The following TRO variants were observed in gnomAD, a reference collection of about 807,000 sequenced individuals.
TRO encodes the protein trophinin, also known as MAGE superfamily protein.
In TRO, 29 loss-of-function variants were observed where a neutral mutation model predicts 42.3. That is an observed-to-expected ratio of 0.68 (90% CI 0.51 to 0.93). The LOEUF (loss-of-function observed/expected upper bound fraction) is 0.93. Ranked by LOEUF, TRO falls within the 40% of genes least tolerant of loss-of-function variation. The pLI is 0.00. For synonymous variants in TRO, 384 were observed against 425.2 expected, an observed-to-expected ratio of 0.90 and a Z score of 1.19; for missense variants, 963 against 1,127.7, an observed-to-expected ratio of 0.85 and a Z score of 2.09.
At position 54,924,972 on chromosome X, in the gene TRO, C is replaced by T. The variant is rs1932571151; in HGVS notation, c.1406-17C>T. ...CCCCTGCTAAGCTCAGCTACTCTCA[C>T]CTCTCCTTTTCTACAGACATGCTGA... On this transcript the variant is annotated splice_polypyrimidine_tract_variant and intron_variant, in intron 5 of 12. Transcript: ENST00000173898. The T allele has an allele frequency of 1.7e-6, 2 of 1,204,195 alleles. No individual in the cohort carries two copies. Among genetic ancestry groups the T allele is most frequent in the African/African-American group, 1.7e-5 (1 of 57,289 alleles).
At chrX:54,931,068 A>T in intron 12 of TRO, 37 bp downstream of exon 12, 1 of 1,170,175 alleles carries the variant, frequency 8.5e-7, no homozygotes. Context: ...ACCCACAGGG[A>T]TGGGTACAAG....
chrX:54,925,204 C>G, intron 6 of TRO, 136 bp downstream of exon 6: 1 of 605,350 alleles, frequency 1.7e-6, no homozygotes. Context: ...AGACAGTGGC[C>G]TAGGGAGAGG....
At chrX:54,921,967 C>T (rs1222956463) in intron 1 of TRO, 9 of 276,342 alleles carry the variant, frequency 3.3e-5, no homozygotes, top group Non-Finnish European at 4.9e-5. Context: ...CGCCTCTAGT[C>T]GGTGCGCATG....
Position 54,926,465 on chromosome X carries a change from A to G in TRO, c.1633A>G (p.Met545Val), listed in dbSNP as rs760847831. The G allele has an allele frequency of 8.3e-7, 1 of 1,210,569 alleles. No individual in the cohort carries two copies. Among genetic ancestry groups the G allele is most frequent in the African/African-American group, 1.7e-5 (1 of 57,363 alleles). ...CATGGTGATTCTGAGTGTCATTTTT[A>G]TGAATGGCAACAAGGCCAGTGAGGG... ...LLMVILSVIFMNGNKASEAVI... is the reference protein window; with the variant it reads ...LLMVILSVIFVNGNKASEAVI... The change falls in exon 8 of 13, where the codon ATG becomes GTG. Residue 545 changes from methionine to valine, a missense_variant. By Grantham distance (21) the Met-to-Val change is conservative. This residue lies in a region of TRO where 641 missense variants were observed against 811.3 expected (regional missense o/e 0.79). Transcript: ENST00000173898.
In TRO at chrX:54,924,662, C is replaced by A. The variant is rs748055435; in HGVS notation, c.1342-8C>A. 1 of 1,211,174 alleles carries A rather than the reference C, an allele frequency of 8.3e-7. No homozygotes were observed. The highest frequency in any genetic ancestry group is 1.1e-6 in the Non-Finnish European group (1 of 894,841). On this transcript the variant is annotated splice_region_variant and splice_polypyrimidine_tract_variant and intron_variant, in intron 4 of 12. Coordinates refer to ENST00000173898, the MANE Select transcript of TRO (RefSeq NM_001039705.3). ...TTAAGATCTCTCCATCTATTCCTCT[C>A]CTCCCAGGCTAATAAGTTGGTGAAA... is the stretch of plus-strand genomic sequence containing the variant.
intron 1 of TRO, 73 bp downstream of exon 1, chrX:54,920,951 C>A: frequency 9.0e-6 from 1 of 111,305 alleles, no homozygotes; most frequent in Middle Eastern, 4.6e-3. Flanking sequence ...GTGCCTGACT[C>A]CACACGCCCC....
chrX:54,925,385 C>T (rs752674652), intron 6 of TRO, among the ~76,000 whole-genome samples: 13 of 112,184 alleles, frequency 1.2e-4, no homozygotes, highest in Non-Finnish European at 2.3e-4. Flanking sequence ...TCCTGCTCAT[C>T]ACAAAGATGA....
intron 1 of TRO, 136 bp from the exon 2 acceptor site, chrX:54,922,067 C>A: frequency 2.3e-6 from 1 of 443,765 alleles, no homozygotes; most frequent in Non-Finnish European, 3.7e-6. Flanking sequence ...CCTTGGAAAC[C>A]AGATGGCCTG....
In TRO at chrX:54,922,216, A is replaced by C. The variant is rs781764137; in HGVS notation, c.-31A>C. The C allele has an allele frequency of 2.5e-6, 3 of 1,203,445 alleles. No homozygotes were observed. Among genetic ancestry groups the C allele is most frequent in the African/African-American group, 3.5e-5 (2 of 57,698 alleles). ...TCTCTAACTCAGGCCCATTCCCCTC[A>C]GGCTCACCTGTTACTCGGCCTCCCA... On this transcript the variant is annotated 5_prime_UTR_variant, in exon 2 of 13. Transcript: ENST00000173898.
Position 54,929,581 on chromosome X carries a change from C to A in TRO, c.2857C>A (p.Leu953Ile). ...SSTSANFGGT[L>I]STSICFDGSP... ...CACCAGTGCCAATTTTGGTGGTACA[C>A]TAAGTACCAGCATCTGCTTTGATGG... Residue 953 changes from leucine (L) to isoleucine (I), a missense_variant, in exon 12 of 13, where the codon CTA becomes ATA. Physicochemically the swap from Leu to Ile is conservative, Grantham distance 5 (BLOSUM62 2). Transcript: ENST00000173898. The A allele has an allele frequency of 1.3e-5, 16 of 1,211,642 alleles. No homozygotes were observed. The highest frequency in any genetic ancestry group is 1.8e-5 in the Non-Finnish European group (16 of 895,375).
chrX:54,927,207 G>A, intron 10 of TRO, 102 bp downstream of exon 10: 3 of 924,153 alleles, frequency 3.2e-6, no homozygotes, highest in South Asian at 4.4e-5. Flanking sequence ...TAGCTTTAGA[G>A]GGATGGGCAT....
chrX:54,926,305 C>T, intron 7 of TRO, 105 bp from the exon 8 acceptor site: 1 of 780,532 alleles, frequency 1.3e-6, no homozygotes, highest in South Asian at 2.6e-5. Flanking sequence ...AGAGGTTAGC[C>T]TGGTGAGCTG....
Position 54,929,355 on chromosome X carries a change from A to T in TRO, c.2631A>T (p.Thr877=). 8.3e-7 allele frequency: 1 copy of T among 1,210,726 alleles called. No homozygotes were observed. Among genetic ancestry groups the T allele is most frequent in the Non-Finnish European group, 1.1e-6 (1 of 895,131 alleles). The change falls in exon 12 of 13, where the codon ACA becomes ACT. Residue 877 remains threonine, a synonymous_variant. Coordinates refer to ENST00000173898, the MANE Select transcript of TRO (RefSeq NM_001039705.3). ...TSFGSAPTTS[T]VFSSALSTST... is the part of the protein sequence containing the mutation. The stretch of plus-strand genomic sequence containing the variant: ...TTGGCAGTGCACCCACAACGAGCAC[A>T]GTCTTCAGTAGTGCGCTTAGCACCA...
Position 54,930,350 on chromosome X carries a change from T to G in TRO, c.3626T>G (p.Phe1209Cys). 1 of 1,212,127 alleles carries G rather than the reference T, an allele frequency of 8.2e-7. No homozygotes were observed. The highest frequency in any genetic ancestry group is 1.1e-6 in the Non-Finnish European group (1 of 895,578). The change falls in exon 12 of 13, where the codon TTT (phenylalanine) becomes TGT (cysteine). Residue 1209 changes from phenylalanine to cysteine, a missense_variant. By Grantham distance (205) the Phe-to-Cys change is radical (BLOSUM62 -2). This residue lies in a region of TRO where 641 missense variants were observed against 811.3 expected (regional missense o/e 0.79). Transcript: ENST00000173898. ...FGNGLSTNAG[F>C]GGGLNTSAGF... Reference sequence around the variant, plus strand: ...AATGGGTTAAGCACCAATGCTGGATTTGGTGGTGGACTGAACACCAGTGCT... The same window carrying G: ...AATGGGTTAAGCACCAATGCTGGATGTGGTGGTGGACTGAACACCAGTGCT...
In TRO at chrX:54,920,826, A is replaced by G. The variant is rs1417422696; in HGVS notation, c.-97A>G. 1 of 110,604 alleles carries G rather than the reference A, an allele frequency of 9.0e-6. No homozygotes were observed. The highest frequency in any genetic ancestry group is 9.6e-5 in the Admixed American group (1 of 10,432). The allele number at this position is 110,604 out of a possible 1,213,427, so 9.1% of individuals were successfully genotyped here. On this transcript the variant is annotated 5_prime_UTR_variant, in exon 1 of 13. Coordinates refer to ENST00000173898, the MANE Select transcript of TRO (RefSeq NM_001039705.3). The stretch of plus-strand genomic sequence containing the variant: ...CGGCCAGGGAGGGGGATAGGCTCAG[A>G]CACAAGGAGAGGCTTGGAGAGAGCA...
In TRO at chrX:54,930,984, C is replaced by T. The variant is rs1369859189; in HGVS notation, c.4260C>T (p.Ala1420=). ...PSTSAGFGSG[A]ASLGACGFSY... ...CCAGTGCTGGCTTTGGCAGTGGAGCCGCCAGTCTTGGTGCCTGTGGCTTCT... is the reference window on the plus strand; with the variant it reads ...CCAGTGCTGGCTTTGGCAGTGGAGCTGCCAGTCTTGGTGCCTGTGGCTTCT... Residue 1420 remains alanine (A), a synonymous_variant, in exon 12 of 13, where the codon GCC becomes GCT. Transcript: ENST00000173898. The T allele has an allele frequency of 1.3e-5, 16 of 1,197,900 alleles. No individual in the cohort carries two copies. The highest frequency in any genetic ancestry group is 5.3e-5 in the African/African-American group (3 of 57,061).
chrX:54,924,416 G>T, intron 3 of TRO, 35 bp from the exon 4 acceptor site: 1 of 1,139,083 alleles, frequency 8.8e-7, no homozygotes, highest in Non-Finnish European at 1.2e-6. Flanking sequence ...CTTTCACCTG[G>T]TGACTCTGGA....
chrX:54,930,395 G>A lies in TRO; in HGVS notation c.3671G>A (p.Gly1224Asp), dbSNP rs956290909. ...NTSAGFGGGL[G>D]TSAGFSGGLS... is the part of the protein sequence containing the mutation. ...AGTGCTGGCTTTGGTGGTGGCCTAG[G>A]CACCAGTGCTGGCTTCAGTGGTGGC... The change falls in exon 12 of 13, where the codon GGC becomes GAC. Residue 1224 changes from glycine to aspartate, a missense_variant. By Grantham distance (94) the Gly-to-Asp change is moderately conservative. Around this residue, in one of 2 missense-constraint regions of TRO, gnomAD observed 641 missense variants for 811.3 expected, o/e 0.79. Transcript: ENST00000173898. 1 of 1,211,610 alleles carries A rather than the reference G, an allele frequency of 8.3e-7. No homozygotes were observed. The highest frequency in any genetic ancestry group is 2.2e-5 in the Admixed American group (1 of 46,057).
chrX:54,921,194 A>T (rs1398549066), intron 1 of TRO: 1 of 110,637 alleles, frequency 9.0e-6, no homozygotes, highest in African/African-American at 3.3e-5. Context: ...AGAGGGGAGG[A>T]GGATACACAC....
Sources: gnomAD v4.1 joint callset for allele counts (sites outside exome capture counted in the v4.1 genomes callset) on GRCh38, gnomAD v4.1.1 for gene constraint, gnomAD v4.1.1 regional missense constraint, MANE v1.5 for transcripts, NCBI Gene and HGNC (gene_info 2026-07-23, HGNC 2026-07-21) for gene names.